Variants in M1AP observed in about 807,000 individuals in gnomAD.
The protein encoded by M1AP is meiosis 1 arrest protein.
A neutral mutation model predicts 51.2 loss-of-function variants in M1AP; 39 were observed. The ratio of observed to expected loss-of-function variants is 0.76; its 90% confidence interval spans 0.59 to 1.00. The LOEUF (loss-of-function observed/expected upper bound fraction) is 1.00, where lower values mean the gene tolerates loss of function less well. M1AP is among the 50% of genes least tolerant of loss of function. M1AP has a pLI of 0.00. For synonymous variants in M1AP, 251 were observed against 249.2 expected (o/e 1.01, Z -0.07); for missense variants, 545 against 641.2 (o/e 0.85, Z 1.62).
Position 74,581,664 on chromosome 2 carries a change from G to A in M1AP, c.769+10C>T, listed in dbSNP as rs775761393. 1.9e-6 allele frequency: 3 copies of A among 1,611,346 alleles called. No individual in the cohort carries two copies. Among genetic ancestry groups the A allele is most frequent in the East Asian group, 2.2e-5 (1 of 44,836 alleles). On this transcript the variant is annotated intron_variant, in intron 5 of 10. Coordinates refer to ENST00000421985, the MANE Select transcript of M1AP (RefSeq NM_001321739.2). ...AATCATAGCCTAAATATCTTTTGGG[G>A]ATTATGTACTTGGATTATCTCTGGG...
chr2:74,573,775 C>T (rs902337367), intron 7 of M1AP, among the ~76,000 whole-genome samples: 1 of 152,066 alleles, frequency 6.6e-6, no homozygotes, highest in South Asian at 2.1e-4. Context: ...TGACTGTCTT[C>T]TTTGGCTACA....
intron 7 of M1AP, among the ~76,000 whole-genome samples, chr2:74,568,705 A>C (rs1678540433): frequency 6.6e-6 from 1 of 152,206 alleles, no homozygotes; most frequent in East Asian, 1.9e-4. Context: ...CAAAAAGTAG[A>C]ATGTTTTAGC....
chr2:74,643,329 G>C (rs576316306), intron 1 of M1AP, among the ~76,000 whole-genome samples: 10 of 152,228 alleles, frequency 6.6e-5, no homozygotes, highest in Non-Finnish European at 1.0e-4. Flanking sequence ...TGGCAACATG[G>C]ATGATTCTAA....
intron 1 of M1AP, among the ~76,000 whole-genome samples, chr2:74,644,657 A>G (rs1683496918): frequency 6.6e-6 from 1 of 152,234 alleles, no homozygotes; most frequent in Non-Finnish European, 1.5e-5. Context: ...CAACATTTTT[A>G]AAAATTGAGT....
rs147773441 is a variant in M1AP at position 74,558,533 on chromosome 2, G to T, written c.*183C>A. 1.1e-3 allele frequency: 652 copies of T among 608,852 alleles called. 9 individuals carry two copies. In the East Asian group the frequency reaches 0.019, roughly 18 times the overall value. 37.7% of individuals were successfully genotyped at this position (608,852 alleles called of 1,614,324 possible). On this transcript the variant is annotated 3_prime_UTR_variant, in exon 11 of 11. Transcript: ENST00000421985. ...CTGGAGAAAGGACAGGCTCGGGTGTGTCGCTTCCAGACTTGAGGAGTGGGA... is the reference window on the plus strand; with the variant it reads ...CTGGAGAAAGGACAGGCTCGGGTGTTTCGCTTCCAGACTTGAGGAGTGGGA...
intron 4 of M1AP, among the ~76,000 whole-genome samples, chr2:74,594,912 G>A (rs190438353): frequency 6.6e-6 from 1 of 152,142 alleles, no homozygotes; most frequent in East Asian, 1.9e-4. Flanking sequence ...TCAGATTCAC[G>A]AGGTTCAGGG....
intron 4 of M1AP, among the ~76,000 whole-genome samples, chr2:74,587,192 C>CT (rs755884874): frequency 0.037 from 5,442 of 145,134 alleles, 182 homozygotes; most frequent in African/African-American, 0.094. Context: ...ATATATTTTC[C>CT]TTTTTTTTTT....
chr2:74,586,886 CA>C (rs1468198311), intron 4 of M1AP, among the ~76,000 whole-genome samples: 2 of 151,924 alleles, frequency 1.3e-5, no homozygotes, highest in African/African-American at 2.4e-5. Flanking sequence ...CCTGTAATCC[CA>C]GCTACTTGGG....
At chr2:74,586,456 G>T (rs905518489) in intron 4 of M1AP, among the ~76,000 whole-genome samples, 1 of 152,050 alleles carries the variant, frequency 6.6e-6, no homozygotes, top group African/African-American at 2.4e-5. Context: ...TCCTTCCTTA[G>T]TGCTTTCATT....
At chr2:74,628,677 C>T (rs866568457) in intron 2 of M1AP, 7 of 696,482 alleles carry the variant, frequency 1.0e-5, no homozygotes, top group Non-Finnish European at 1.5e-5. Flanking sequence ...CCAACATAGG[C>T]CAACCATTAG....
In M1AP at chr2:74,603,427, A is replaced by G. The variant is rs553818173; in HGVS notation, c.595+3628T>C. Among the ~76,000 whole-genome samples, 10 of 152,360 alleles carry G rather than the reference A, an allele frequency of 6.6e-5. 1 individual carries two copies. The highest frequency in any genetic ancestry group is 1.9e-4 in the African/African-American group (8 of 41,588). On this transcript the variant is annotated intron_variant, in intron 4 of 10. Transcript: ENST00000421985. The stretch of plus-strand genomic sequence containing the variant: ...AATGGTGAACGATTCTACATGCTAT[A>G]TAATTAAGTGCTAAATTACGTGGTA...
intron 3 of M1AP, among the ~76,000 whole-genome samples, 182 bp from the exon 4 acceptor site, chr2:74,607,405 A>G (rs552498530): frequency 1.5e-4 from 23 of 152,376 alleles, no homozygotes; most frequent in Non-Finnish European, 2.9e-4. Context: ...CTTGTGGGAC[A>G]GGTTATCACA....
At chr2:74,598,920 C>T (rs1266905085) in intron 4 of M1AP, among the ~76,000 whole-genome samples, 2 of 151,996 alleles carry the variant, frequency 1.3e-5, no homozygotes, top group Admixed American at 6.5e-5. Context: ...CCACACCCAG[C>T]CATTTTCATG....
intron 4 of M1AP, among the ~76,000 whole-genome samples, chr2:74,592,927 C>G (rs935924055): frequency 6.6e-6 from 1 of 152,156 alleles, no homozygotes; most frequent in East Asian, 1.9e-4. Flanking sequence ...TATCTATATT[C>G]GTGCCTATTT....
intron 4 of M1AP, among the ~76,000 whole-genome samples, chr2:74,587,490 G>A (rs1046743339): frequency 6.6e-6 from 1 of 152,150 alleles, no homozygotes; most frequent in Non-Finnish European, 1.5e-5. Context: ...GAGCTACCAC[G>A]CCTGGCCATA....
intron 2 of M1AP, chr2:74,618,818 C>A: frequency 2.8e-6 from 1 of 353,322 alleles, no homozygotes. Flanking sequence ...TGTGCTGAGC[C>A]TCCCAAATCC....
chr2:74,628,793 G>A (rs951772037), intron 2 of M1AP: 1 of 501,798 alleles, frequency 2.0e-6, no homozygotes, highest in African/African-American at 2.0e-5. Flanking sequence ...AGAGAAGATA[G>A]ACAATGATTG....
At chr2:74,608,555 CGGATTTTTGTGT>C (rs1317944234) in intron 3 of M1AP, among the ~76,000 whole-genome samples, 1 of 152,146 alleles carries the variant, frequency 6.6e-6, no homozygotes, top group Non-Finnish European at 1.5e-5. Context: ...TACCCAAGTG[CGGATTTTTGTGT>C]GGATAGGTTT....
rs768880885 is a variant in M1AP, at chr2:74,607,061, T to A, written c.589A>T (p.Asn197Tyr). 1.2e-6 allele frequency: 2 copies of A among 1,612,920 alleles called. No homozygotes were observed. Among genetic ancestry groups the A allele is most frequent in the Non-Finnish European group, 1.7e-6 (2 of 1,179,654 alleles). Reference protein sequence around the residue: ...DSASPVEDTSNDESSILGTDI... With the variant: ...DSASPVEDTSYDESSILGTDI... ...CTTGTTAAAAAATTCTTACCATCAT[T>A]GCTGGTATCCTCAACAGGAGACGCT... The change falls in exon 4 of 11, where the codon AAT becomes TAT. Residue 197 changes from asparagine (N) to tyrosine (Y), a missense_variant. By Grantham distance (143) the Asn-to-Tyr change is moderately radical. Transcript: ENST00000421985.
Sources: allele counts gnomAD v4.1 joint callset (sites outside exome capture counted in the v4.1 genomes callset), GRCh38; gene constraint gnomAD v4.1.1; transcripts MANE v1.5; gene names NCBI Gene and HGNC (gene_info 2026-07-23, HGNC 2026-07-21).